The following ACAD9 variants were observed in gnomAD, a reference collection of about 807,000 sequenced individuals.
ACAD9 encodes the protein complex I assembly factor ACAD9, mitochondrial.
A neutral mutation model predicts 70.2 loss-of-function variants in ACAD9; 53 were observed. The ratio of observed to expected loss-of-function variants is 0.75; its 90% confidence interval spans 0.61 to 0.95. ACAD9 has a LOEUF of 0.95. ACAD9 is among the 40% of genes least tolerant of loss of function. The pLI, the probability that ACAD9 is intolerant of heterozygous loss-of-function variation, is 0.00. For missense variants in ACAD9, 777 were observed against 802.8 expected, an observed-to-expected ratio of 0.97 and a Z score of 0.39; for synonymous variants, 313 against 312.1, an observed-to-expected ratio of 1.00 and a Z score of -0.03.
chr3:128,893,778 T>C, intron 3 of ACAD9, 122 bp downstream of exon 3: 1 of 815,954 alleles, frequency 1.2e-6, no homozygotes, highest in Non-Finnish European at 2.1e-6. Context: ...TTGGTAGGGG[T>C]GGACTGACTG....
intron 8 of ACAD9, 79 bp downstream of exon 8, chr3:128,901,428 T>C (rs1303579525): frequency 1.1e-5 from 16 of 1,490,710 alleles, no homozygotes; most frequent in Non-Finnish European, 1.4e-5. Context: ...GCCCTATCCC[T>C]GCTCGTAGCA....
intron 12 of ACAD9, among the ~76,000 whole-genome samples, chr3:128,907,034 C>G (rs1052223131): frequency 1.3e-5 from 2 of 152,106 alleles, no homozygotes; most frequent in African/African-American, 4.8e-5. Context: ...ACCAGGGGCT[C>G]TCCTGCTGGG....
chr3:128,908,131 A>C, intron 12 of ACAD9, 54 bp from the exon 13 acceptor site: 3 of 1,569,644 alleles, frequency 1.9e-6, no homozygotes, highest in African/African-American at 1.4e-5. Context: ...ACGTGGCACT[A>C]CCATGGCTGC....
intron 1 of ACAD9, among the ~76,000 whole-genome samples, chr3:128,881,475 G>C (rs1333465046): frequency 6.6e-6 from 1 of 152,172 alleles, no homozygotes; most frequent in Admixed American, 6.5e-5. Context: ...GTCTGCTCCT[G>C]GCAAAACCAA....
Position 128,899,478 on chromosome 3 carries a change from C to T in ACAD9, c.808+17C>T, listed in dbSNP as rs367969305. 2.2e-4 allele frequency: 358 copies of T among 1,612,066 alleles called. 1 individual carries two copies. The Middle Eastern group carries it at 4.6e-3, about 21-fold the overall frequency. On this transcript the variant is annotated intron_variant, in intron 7 of 17. Transcript: ENST00000308982. Reference sequence around the variant, plus strand: ...GCTCCAACAGTAAGTAGCTCCTGTGCGCGCGTGCGCGTGTGTGTGTGTAAG... The same window carrying T: ...GCTCCAACAGTAAGTAGCTCCTGTGTGCGCGTGCGCGTGTGTGTGTGTAAG...
At chr3:128,910,622 G>C (rs1233144767) in intron 16 of ACAD9, 119 bp from the exon 17 acceptor site, 2 of 1,098,842 alleles carry the variant, frequency 1.8e-6, no homozygotes, top group Non-Finnish European at 2.8e-6. Context: ...GGTGACTCCT[G>C]TGCCAGGCCT....
intron 9 of ACAD9, 35 bp from the exon 10 acceptor site, chr3:128,904,027 T>C: frequency 6.2e-7 from 1 of 1,605,192 alleles, no homozygotes; most frequent in Non-Finnish European, 8.5e-7. Flanking sequence ...CACAGAAATA[T>C]TCCAGTTCAT....
At chr3:128,888,764 A>G (rs942239446) in intron 2 of ACAD9, among the ~76,000 whole-genome samples, 1 of 152,114 alleles carries the variant, frequency 6.6e-6, no homozygotes, top group Non-Finnish European at 1.5e-5. Context: ...GCTTATTTAT[A>G]TATAAACATA....
At position 128,912,947 on chromosome 3, in the gene ACAD9, A is replaced by T. The variant is rs1308141359; in HGVS notation, c.*340A>T. 7.9e-6 allele frequency: 4 copies of T among 507,956 alleles called. No individual in the cohort carries two copies. The highest frequency in any genetic ancestry group is 6.0e-5 in the South Asian group (4 of 67,208). 31.5% of individuals were successfully genotyped at this position (507,956 alleles called of 1,614,324 possible). On this transcript the variant is annotated 3_prime_UTR_variant, in exon 18 of 18. Transcript: ENST00000308982. ...CCTCCAGGGTGTGAGGTGGGTGGGG[A>T]CCTGTGTCAGGTGTGGATAGCCATT...
intron 13 of ACAD9, 176 bp downstream of exon 13, chr3:128,908,440 C>G (rs1046392665): frequency 1.4e-6 from 1 of 714,282 alleles, no homozygotes; most frequent in African/African-American, 1.7e-5. Context: ...CCCAGGGAAG[C>G]CCTCGCTGCC....
At chr3:128,904,914 G>T (rs62265261) in intron 11 of ACAD9, among the ~76,000 whole-genome samples, 4,370 of 152,270 alleles carry the variant, frequency 0.029, 108 homozygotes, top group South Asian at 0.11. Context: ...GGGGGCCGAG[G>T]TGGATGGATC....
At chr3:128,910,641 C>G in intron 16 of ACAD9, 100 bp from the exon 17 acceptor site, 1 of 1,321,810 alleles carries the variant, frequency 7.6e-7, no homozygotes, top group East Asian at 2.3e-5. Flanking sequence ...CTTGTGACCC[C>G]TGCCATGCTA....
intron 2 of ACAD9, among the ~76,000 whole-genome samples, chr3:128,886,743 A>C (rs906234895): frequency 1.3e-5 from 2 of 151,904 alleles, no homozygotes; most frequent in African/African-American, 4.8e-5. Context: ...AGTTAAAAAA[A>C]AAAAAAGAAA....
At chr3:128,903,546 C>T (rs560261639) in intron 9 of ACAD9, among the ~76,000 whole-genome samples, 8 of 152,094 alleles carry the variant, frequency 5.3e-5, no homozygotes, top group African/African-American at 9.7e-5. Context: ...CTGGGAGAGG[C>T]GCCATGTCAC....
chr3:128,904,340 C>T, intron 10 of ACAD9, 46 bp from the exon 11 acceptor site: 1 of 1,614,130 alleles, frequency 6.2e-7, no homozygotes, highest in Non-Finnish European at 8.5e-7. Flanking sequence ...AGATTTGGCT[C>T]TCAGCACATG....
At chr3:128,908,581 C>T in intron 13 of ACAD9, 1 of 556,692 alleles carries the variant, frequency 1.8e-6, no homozygotes, top group Middle Eastern at 4.9e-4. Flanking sequence ...GGTGCCAGGC[C>T]TCACAGCCAA....
chr3:128,895,398 C>T lies in ACAD9; in HGVS notation c.435C>T (p.His145=), dbSNP rs1432720562. ...CCATCACTGTGACCCTGGCAGCGCA[C>T]CAGGCTATTGGCCTCAAGGTCAGGT... is the stretch of plus-strand genomic sequence containing the variant. ...DGSITVTLAA[H]QAIGLKGIIL... is the part of the protein sequence containing the mutation. The change falls in exon 4 of 18, where the codon CAC becomes CAT. Residue 145 remains histidine, a synonymous_variant. Coordinates refer to ENST00000308982, the MANE Select transcript of ACAD9 (RefSeq NM_014049.5). 1.2e-6 allele frequency: 2 copies of T among 1,610,190 alleles called. No individual in the cohort carries two copies. The highest frequency in any genetic ancestry group is 1.3e-5 in the African/African-American group (1 of 74,886).
rs753423929 is a variant in ACAD9, at chr3:128,893,631, T to G, written c.321T>G (p.Phe107Leu). Residue 107 changes from phenylalanine to leucine, a missense_variant, in exon 3 of 18, where the codon TTT becomes TTG. Phe to Leu is a conservative substitution (Grantham distance 22). Transcript: ENST00000308982. Reference sequence around the variant, plus strand: ...AGAAATTGAAGAGCCTAGGGCTTTTTGGGCTGCAAGTCCCAGAAGAATATG... The same window carrying G: ...AGAAATTGAAGAGCCTAGGGCTTTTGGGGCTGCAAGTCCCAGAAGAATATG... ...TLEKLKSLGL[F>L]GLQVPEEYGG... The G allele has an allele frequency of 1.9e-6, 3 of 1,614,132 alleles. No individual in the cohort carries two copies. The highest frequency in any genetic ancestry group is 1.7e-6 in the Non-Finnish European group (2 of 1,179,974).
At chr3:128,882,828 C>T (rs1935131502) in intron 1 of ACAD9, among the ~76,000 whole-genome samples, 1 of 152,218 alleles carries the variant, frequency 6.6e-6, no homozygotes, top group African/African-American at 2.4e-5. Context: ...AGGCATTGAC[C>T]TGATTTGATA....
Sources: gnomAD v4.1 joint callset for allele counts (sites outside exome capture counted in the v4.1 genomes callset) on GRCh38, gnomAD v4.1.1 for gene constraint, MANE v1.5 for transcripts, NCBI Gene and HGNC (gene_info 2026-07-23, HGNC 2026-07-21) for gene names.